The following LINC00632 variants were observed in gnomAD, a reference collection of about 807,000 sequenced individuals.
LINC00632 encodes long independently transcribed non-coding RNA 632, also known as ALDOA related specific transcript.
At chrX:140,769,780 C>A (rs960744281) in intron 3 of LINC00632, among the ~76,000 whole-genome samples, 16 of 111,098 alleles carry the variant, frequency 1.4e-4, no homozygotes, top group African/African-American at 5.2e-4. Flanking sequence ...CGTGCCTCCG[C>A]CTTTGTCCCT....
At chrX:140,779,018 T>C (rs183782985) in exon 5 of LINC00632, among the ~76,000 whole-genome samples, 2 of 112,282 alleles carry the variant, frequency 1.8e-5, no homozygotes, top group East Asian at 2.8e-4. Context: ...AAGTTTGATA[T>C]ACGCTAAAGG....
chrX:140,749,975 G>A (rs1377272185), intron 3 of LINC00632, among the ~76,000 whole-genome samples: 2 of 111,093 alleles, frequency 1.8e-5, no homozygotes, highest in Non-Finnish European at 3.8e-5. Flanking sequence ...TATTACAGGT[G>A]TGAGACACCA....
chrX:140,740,898 T>C (rs1602742468), intron 3 of LINC00632, among the ~76,000 whole-genome samples: 1 of 112,369 alleles, frequency 8.9e-6, no homozygotes, highest in East Asian at 2.8e-4. Context: ...ATTCCTCATG[T>C]GCACTGAATT....
intron 3 of LINC00632, among the ~76,000 whole-genome samples, chrX:140,749,617 A>G (rs1281708749): frequency 9.0e-6 from 1 of 111,254 alleles, no homozygotes; most frequent in Non-Finnish European, 1.9e-5. Flanking sequence ...AAGGAGGAAG[A>G]GAAGTAATGT....
At chrX:140,721,610 G>T (rs1930728974) in intron 2 of LINC00632, among the ~76,000 whole-genome samples, 1 of 110,442 alleles carries the variant, frequency 9.1e-6, no homozygotes, top group African/African-American at 3.3e-5. Context: ...CTGCTGTGTG[G>T]CCTGGTTCCT....
chrX:140,763,164 G>A (rs913378773), intron 3 of LINC00632, among the ~76,000 whole-genome samples: 8 of 111,811 alleles, frequency 7.2e-5, no homozygotes, highest in Non-Finnish European at 1.5e-4. Flanking sequence ...GGGAGGCCAA[G>A]GCGGGCAGAT....
At chrX:140,776,253 C>T (rs191702590) in exon 5 of LINC00632, among the ~76,000 whole-genome samples, 67 of 97,765 alleles carry the variant, frequency 6.9e-4, no homozygotes, top group Non-Finnish European at 1.1e-3. Context: ...CGGAGAGCCC[C>T]TCATCCTGGA....
chrX:140,788,150 AAATTG>A (rs898346375), exon 5 of LINC00632, among the ~76,000 whole-genome samples: 1 of 109,304 alleles, frequency 9.1e-6, no homozygotes, highest in African/African-American at 3.4e-5. Context: ...AGCAAAAAAA[AAATTG>A]AAGATGATGG....
chrX:140,728,240 C>CAA (rs1200284527), intron 2 of LINC00632, among the ~76,000 whole-genome samples: 12 of 60,697 alleles, frequency 2.0e-4, no homozygotes, highest in African/African-American at 5.2e-4. Flanking sequence ...AACTCTGTCT[C>CAA]AAAAAAAAAA....
At chrX:140,723,668 C>T (rs1183245266) in intron 2 of LINC00632, among the ~76,000 whole-genome samples, 1 of 33,537 alleles carries the variant, frequency 3.0e-5, no homozygotes, top group Non-Finnish European at 5.8e-5. Flanking sequence ...ATTCCATATA[C>T]ACACATTCCA....
intron 2 of LINC00632, among the ~76,000 whole-genome samples, chrX:140,727,596 A>C (rs1930985094): frequency 9.0e-6 from 1 of 111,579 alleles, no homozygotes; most frequent in African/African-American, 3.3e-5. Flanking sequence ...CCCGACCGTG[A>C]ACAATTTTAC....
At chrX:140,716,094 A>G (rs1930622522) in intron 2 of LINC00632, 1 of 112,250 alleles carries the variant, frequency 8.9e-6, no homozygotes, top group African/African-American at 3.2e-5. Context: ...GGCTAGACAC[A>G]CAACACACAT....
chrX:140,759,138 ATTT>A (rs746349679), intron 3 of LINC00632, among the ~76,000 whole-genome samples: 2 of 84,924 alleles, frequency 2.4e-5, no homozygotes, highest in Admixed American at 1.3e-4. Context: ...TTAATTTTGT[ATTT>A]TTTTTTTTTT....
At chrX:140,786,147 C>CTATG (rs1222724766) in exon 5 of LINC00632, among the ~76,000 whole-genome samples, 1 of 111,960 alleles carries the variant, frequency 8.9e-6, no homozygotes. Flanking sequence ...TTAAAATCCT[C>CTATG]TATGTGATAA....
rs190770534 is a variant in LINC00632, at chrX:140,769,484, C to T, written n.192-2594C>T. Among the ~76,000 whole-genome samples, 6 of 109,663 alleles carry T rather than the reference C, an allele frequency of 5.5e-5. No individual in the cohort carries two copies. The East Asian group carries it at 1.2e-3, about 21-fold the overall frequency. On this transcript the variant is annotated intron_variant and non_coding_transcript_variant, in intron 3 of 4. Coordinates refer to ENST00000648200, the Ensembl canonical transcript of LINC00632. ...TCGGTTTTTTCTCCACCCCACCCCC[C>T]CCATGAAAGCAAATTTTCCATACAT...
rs369298842 is a variant in LINC00632, at chrX:140,787,263, C to T, written n.15282C>T. On this transcript the variant is annotated non_coding_transcript_exon_variant, in exon 5 of 5. Coordinates refer to ENST00000648200, the Ensembl canonical transcript of LINC00632. ...GTGTATGCTCTTGTAGGCACTTTTA[C>T]TAGCATATTTTCTTGTACAAAATGT... 9.0e-5 allele frequency among the ~76,000 whole-genome samples: 10 copies of T among 111,539 alleles called. No homozygotes were observed. The East Asian group carries it at 2.0e-3, about 22-fold the overall frequency.
intron 2 of LINC00632, among the ~76,000 whole-genome samples, chrX:140,726,399 C>T (rs905394215): frequency 3.6e-5 from 4 of 111,389 alleles, no homozygotes; most frequent in African/African-American, 1.3e-4. Flanking sequence ...CCCTACAGAA[C>T]AAAGACTCAC....
intron 3 of LINC00632, among the ~76,000 whole-genome samples, chrX:140,755,420 T>C (rs1434395143): frequency 3.6e-5 from 4 of 112,331 alleles, no homozygotes; most frequent in Non-Finnish European, 5.6e-5. Context: ...TTGGAGTGGC[T>C]CTGCCACTTA....
intron 3 of LINC00632, among the ~76,000 whole-genome samples, chrX:140,755,957 G>A (rs181067449): frequency 9.2e-6 from 1 of 109,271 alleles, no homozygotes; most frequent in East Asian, 2.8e-4. Flanking sequence ...CATTAAAATG[G>A]ACAAGTACAT....
Sources: gnomAD v4.1 joint callset for allele counts (sites outside exome capture counted in the v4.1 genomes callset) on GRCh38, gnomAD v4.1.1 for gene constraint, MANE v1.5 for transcripts, NCBI Gene and HGNC (gene_info 2026-07-23, HGNC 2026-07-21) for gene names.